Variants in TSR1 observed in about 807,000 individuals in gnomAD.
TSR1 encodes pre-rRNA-processing protein TSR1 homolog.
Under a neutral mutation model 90.9 loss-of-function variants are expected in TSR1, and 81 were observed. That is an observed-to-expected ratio of 0.89 (90% confidence interval 0.74 to 1.07). The LOEUF (loss-of-function observed/expected upper bound fraction) is 1.07, where lower values mean the gene tolerates loss of function less well. Ranked by LOEUF, TSR1 falls within the 50% of genes least tolerant of loss-of-function variation. The pLI, the probability that TSR1 is intolerant of heterozygous loss-of-function variation, is 0.00. For missense variants in TSR1, 989 were observed against 987.3 expected, an observed-to-expected ratio of 1.00 and a Z score of -0.02; for synonymous variants, 362 against 348.8, an observed-to-expected ratio of 1.04 and a Z score of -0.42.
At position 2,335,571 on chromosome 17, in the gene TSR1, T is replaced by G; in HGVS notation, c.361A>C (p.Asn121His). The change falls in exon 3 of 15, where the codon AAC becomes CAC. Residue 121 changes from asparagine (N) to histidine (H), a missense_variant. Physicochemically the swap from Asn to His is moderately conservative, Grantham distance 68. Coordinates refer to ENST00000301364, the MANE Select transcript of TSR1 (RefSeq NM_018128.5). Reference protein sequence around the residue: ...VHLNELGNTQNFMLLCPRLKH... With the variant: ...VHLNELGNTQHFMLLCPRLKH... ...AAGCGGGGGCACAGCAGCATAAAGT[T>G]CTGGGTGTTTCCCAATTCATTCAAG... 6.2e-7 allele frequency: 1 copy of G among 1,614,184 alleles called. No individual in the cohort carries two copies. Among genetic ancestry groups the G allele is most frequent in the South Asian group, 1.1e-5 (1 of 91,088 alleles).
At position 2,334,610 on chromosome 17, in the gene TSR1, C is replaced by G; in HGVS notation, c.843G>C (p.Gln281His). ...GCAGCAACCTATTGACATTCAGAGT[C>G]TGCCCTCGAACATAGCCTGAAATTT... ...TLKISGYVRGQTLNVNRLLHI... is the reference protein window; with the variant it reads ...TLKISGYVRGHTLNVNRLLHI... Residue 281 changes from glutamine to histidine, a missense_variant, in exon 5 of 15, where the codon CAG becomes CAC. By Grantham distance (24) the Gln-to-His change is conservative (BLOSUM62 0). Transcript: ENST00000301364. 4 of 1,614,146 alleles carry G rather than the reference C, an allele frequency of 2.5e-6. No homozygotes were observed. The highest frequency in any genetic ancestry group is 3.4e-6 in the Non-Finnish European group (4 of 1,180,050).
chr17:2,324,934 C>A, intron 12 of TSR1, 105 bp from the exon 13 acceptor site: 1 of 1,304,952 alleles, frequency 7.7e-7, no homozygotes, highest in Non-Finnish European at 1.0e-6. Context: ...TTTGTCATCC[C>A]TGCCCTAGCC....
rs770322751 is a variant in TSR1, at chr17:2,333,722, A to C, written c.982-6T>G. ...ACAGCATCCGTAGCACAAATCTGAA[A>C]ACCAAAAGCAGGTGATAGTCAACCA... is the stretch of plus-strand genomic sequence containing the variant. On this transcript the variant is annotated splice_polypyrimidine_tract_variant and splice_region_variant and intron_variant, in intron 5 of 14. Coordinates refer to ENST00000301364, the MANE Select transcript of TSR1 (RefSeq NM_018128.5). 1.9e-6 allele frequency: 3 copies of C among 1,613,958 alleles called. No individual in the cohort carries two copies. The highest frequency in any genetic ancestry group is 1.1e-5 in the South Asian group (1 of 91,088).
chr17:2,325,105 G>T, intron 12 of TSR1, 199 bp downstream of exon 12: 1 of 589,276 alleles, frequency 1.7e-6, no homozygotes, highest in Non-Finnish European at 2.9e-6. Flanking sequence ...GTTATTTGAG[G>T]ACTGGCTATA....
intron 11 of TSR1, among the ~76,000 whole-genome samples, chr17:2,328,682 T>C (rs549688985): frequency 5.6e-4 from 84 of 151,152 alleles, no homozygotes; most frequent in Non-Finnish European, 9.1e-4. Context: ...TTTGGGAGGC[T>C]GAGGCGGGCG....
At chr17:2,335,452 A>G in intron 3 of TSR1, 58 bp from the exon 4 acceptor site, 1 of 1,578,682 alleles carries the variant, frequency 6.3e-7, no homozygotes, top group Non-Finnish European at 8.6e-7. Context: ...TATTCTAAAA[A>G]AAAAAAAAAA....
At chr17:2,329,033 AACCACTGC>A (rs781136533) in intron 11 of TSR1, 13 of 522,096 alleles carry the variant, frequency 2.5e-5, no homozygotes, top group Admixed American at 1.2e-4. Context: ...TACAGGTGTG[AACCACTGC>A]ACCACTGCAC....
rs183719465 is a variant in TSR1, at chr17:2,330,865, T to C, written c.1659+82A>G. 1.3e-4 allele frequency: 198 copies of C among 1,484,196 alleles called. No homozygotes were observed. The African/African-American group carries it at 2.7e-3, about 20-fold the overall frequency. 91.9% of individuals were successfully genotyped at this position (1,484,196 alleles called of 1,614,324 possible). ...CCCCTAATCCCCAAATGCAGCATAT[T>C]TTCATGCCAAGAGAAGGAATAAAGT... On this transcript the variant is annotated intron_variant, in intron 9 of 14. Coordinates refer to ENST00000301364, the MANE Select transcript of TSR1 (RefSeq NM_018128.5).
rs369639904 is a variant in TSR1, at chr17:2,329,355, G to A, written c.1891C>T (p.Gln631Ter). 33 of 1,614,084 alleles carry A rather than the reference G, an allele frequency of 2.0e-5. No homozygotes were observed. The highest frequency in any genetic ancestry group is 1.3e-5 in the African/African-American group (1 of 74,916). The change falls in exon 11 of 15, where the codon CAG (glutamine) becomes TAG (stop). Residue 631 changes from glutamine to a stop codon, truncating the protein, a stop_gained. Transcript: ENST00000301364. LOFTEE classifies it high-confidence loss of function. Reference protein sequence around the residue: ...RRFRASPLFSQHTAADKHKLQ... With the variant: ...RRFRASPLFS ...CCCCATTGCTAACCTGCAGTGTGCT[G>A]AGAGAATAAAGGTGAGGCTCGGAAG...
At chr17:2,335,172 A>G in intron 4 of TSR1, 88 bp downstream of exon 4, 1 of 1,391,468 alleles carries the variant, frequency 7.2e-7, no homozygotes, top group Non-Finnish European at 9.9e-7. Flanking sequence ...CACCAGCTGA[A>G]TATGATCCAT....
intron 7 of TSR1, among the ~76,000 whole-genome samples, chr17:2,332,677 A>G (rs1392922455): frequency 6.6e-6 from 1 of 152,124 alleles, no homozygotes; most frequent in African/African-American, 2.4e-5. Context: ...TCTACTAAAA[A>G]TACAAAAAAA....
Position 2,335,240 on chromosome 17 carries a change from A to G in TSR1, c.556+20T>C, listed in dbSNP as rs371559944. On this transcript the variant is annotated intron_variant, in intron 4 of 14. Transcript: ENST00000301364. ...GTGCCTGACAAATTAAAGGTGCACA[A>G]TAAATGCTAACTCACTTACTATAGG... is the stretch of plus-strand genomic sequence containing the variant. 1.9e-6 allele frequency: 3 copies of G among 1,611,902 alleles called. No homozygotes were observed. In the African/African-American group the frequency reaches 4.0e-5, roughly 22 times the overall value.
chr17:2,333,002 C>G lies in TSR1; in HGVS notation c.1264G>C (p.Asp422His), dbSNP rs2064018543. The G allele has an allele frequency of 6.2e-7, 1 of 1,614,018 alleles. No homozygotes were observed. Among genetic ancestry groups the G allele is most frequent in the African/African-American group, 1.3e-5 (1 of 74,916 alleles). Residue 422 changes from aspartate to histidine, a missense_variant, in exon 7 of 15, where the codon GAT becomes CAT. Coordinates refer to ENST00000301364, the MANE Select transcript of TSR1 (RefSeq NM_018128.5). Reference protein sequence around the residue: ...SGGEGDEYEYDDMEHEDFMEE... With the variant: ...SGGEGDEYEYHDMEHEDFMEE... ...ATAAAATCCTCATGTTCCATATCAT[C>G]ATATTCATATTCATCTCCTTCCCCA...
chr17:2,324,249 G>A lies in TSR1; in HGVS notation c.2362C>T (p.Pro788Ser), dbSNP rs141591550. The A allele has an allele frequency of 1.3e-6, 2 of 1,537,942 alleles. No homozygotes were observed. Among genetic ancestry groups the A allele is most frequent in the Non-Finnish European group, 1.7e-6 (2 of 1,148,386 alleles). ...GAAGAAATCTCACTTTTCAGCCAGG[G>A]TACTGGTTCTGGTACATATGGATCA... ...TYDPYVPEPV[P>S]WLKSEISSTV... The change falls in exon 15 of 15, where the codon CCC (proline) becomes TCC (serine). Residue 788 changes from proline to serine, a missense_variant. By Grantham distance (74) the Pro-to-Ser change is moderately conservative. Transcript: ENST00000301364.
chr17:2,331,496 C>G (rs2064002773), intron 8 of TSR1, among the ~76,000 whole-genome samples: 2 of 151,188 alleles, frequency 1.3e-5, no homozygotes, highest in African/African-American at 4.9e-5. Flanking sequence ...CTCATGAGAT[C>G]TAGTTGTTTA....
intron 10 of TSR1, 189 bp downstream of exon 10, chr17:2,330,326 A>T: frequency 2.8e-6 from 2 of 723,312 alleles, no homozygotes. Context: ...GAGATGCTTC[A>T]GACAGGTTCA....
At chr17:2,328,677 G>A (rs1278389091) in intron 11 of TSR1, among the ~76,000 whole-genome samples, 1 of 151,646 alleles carries the variant, frequency 6.6e-6, no homozygotes, top group Admixed American at 6.6e-5. Context: ...AGCACTTTGG[G>A]AGGCTGAGGC....
chr17:2,335,467 AC>A (rs2064052215), intron 3 of TSR1, 43 bp downstream of exon 3: 2 of 1,572,564 alleles, frequency 1.3e-6, no homozygotes, highest in Non-Finnish European at 8.6e-7. Flanking sequence ...AAAAAAAAAT[AC>A]CACTACTCAA....
Position 2,323,973 on chromosome 17 carries a change from G to A in TSR1, c.*223C>T. 8.3e-7 allele frequency: 1 copy of A among 1,198,478 alleles called. No individual in the cohort carries two copies. The highest frequency in any genetic ancestry group is 1.2e-6 in the Non-Finnish European group (1 of 853,516). The allele number at this position is 1,198,478 out of a possible 1,614,324, so 74.2% of individuals were successfully genotyped here. A position where few individuals can be genotyped will look rare whatever the true frequency, so the allele number is the denominator to read the frequency against. Reference sequence around the variant, plus strand: ...TCTTAGTTATCAGATTCTTAATGGAGAGTGGCTATTTCATTAAGATTTAAT... The same window carrying A: ...TCTTAGTTATCAGATTCTTAATGGAAAGTGGCTATTTCATTAAGATTTAAT... On this transcript the variant is annotated 3_prime_UTR_variant, in exon 15 of 15. Transcript: ENST00000301364.
Sources: gnomAD v4.1 joint callset for allele counts (sites outside exome capture counted in the v4.1 genomes callset) on GRCh38, gnomAD v4.1.1 for gene constraint, MANE v1.5 for transcripts, NCBI Gene and HGNC (gene_info 2026-07-23, HGNC 2026-07-21) for gene names.